Variants in LATS1 observed in about 807,000 individuals in gnomAD.
LATS1 encodes the protein large tumor suppressor kinase 1.
LATS1 carries 25 observed loss-of-function variants against 106.6 expected under a neutral mutation model. That is an observed-to-expected ratio of 0.23 (90% confidence interval 0.17 to 0.33). The LOEUF (loss-of-function observed/expected upper bound fraction) is 0.33, where lower values mean the gene tolerates loss of function less well. LATS1 is among the 10% of genes least tolerant of loss of function. LATS1 has a pLI of 1.00. For missense variants in LATS1, 1,040 were observed against 1,382.6 expected (o/e 0.75, Z 3.93); for synonymous variants, 465 against 455.6 (o/e 1.02, Z -0.26).
chr6:149,679,539 G>A (rs971678215), intron 5 of LATS1, among the ~76,000 whole-genome samples: 9 of 139,220 alleles, frequency 6.5e-5, no homozygotes, highest in South Asian at 4.4e-4. Context: ...GCGACAGAGC[G>A]AGACTCCATC....
chr6:149,705,377 T>C (rs894730644), intron 1 of LATS1, among the ~76,000 whole-genome samples: 2 of 152,178 alleles, frequency 1.3e-5, no homozygotes, highest in African/African-American at 4.8e-5. Context: ...ACTTTCTATA[T>C]TAGGTCTTCT....
intron 1 of LATS1, among the ~76,000 whole-genome samples, chr6:149,710,847 T>C (rs1459909753): frequency 6.6e-6 from 1 of 152,188 alleles, no homozygotes; most frequent in Non-Finnish European, 1.5e-5. Flanking sequence ...GCAAGTATTA[T>C]AAGTAAATGA....
Position 149,663,451 on chromosome 6 carries a change from G to T in LATS1, c.2884-1213C>A, listed in dbSNP as rs148994995. Among the ~76,000 whole-genome samples, 918 of 152,148 alleles carry T rather than the reference G, an allele frequency of 6.0e-3. 12 individuals carry two copies. Among genetic ancestry groups the T allele is most frequent in the East Asian group, 0.016 (84 of 5,180 alleles). ...GATTGTGCCACTGCACTCCAGCCTG[G>T]GCGACAGAGCAAGACCCTGTCTCAA... On this transcript the variant is annotated intron_variant, in intron 7 of 7. Transcript: ENST00000543571.
rs61479102 is a variant in LATS1 at position 149,662,966 on chromosome 6, C to CAA, written c.2884-730_2884-729dup. 2.8e-4 allele frequency among the ~76,000 whole-genome samples: 27 copies of CAA among 96,206 alleles called. 1 individual carries two copies. Among genetic ancestry groups the CAA allele is most frequent in the Non-Finnish European group, 3.6e-4 (16 of 44,646 alleles). 63.1% of individuals were successfully genotyped at this position (96,206 alleles called of 152,430 possible). On this transcript the variant is annotated intron_variant, in intron 7 of 7. Coordinates refer to ENST00000543571, the MANE Select transcript of LATS1 (RefSeq NM_004690.4). ...GTGTGACAGAGCGAGACACTGTCTCCAAAAAAAAAAAAAAAAAAAAAGAAA... is the reference window on the plus strand; with the variant it reads ...GTGTGACAGAGCGAGACACTGTCTCCAAAAAAAAAAAAAAAAAAAAAAAGAAA...
intron 3 of LATS1, among the ~76,000 whole-genome samples, chr6:149,690,972 C>A (rs1782713681): frequency 6.6e-6 from 1 of 152,144 alleles, no homozygotes; most frequent in Non-Finnish European, 1.5e-5. Context: ...TCACTCTCTC[C>A]TCCAGAAACA....
At position 149,702,286 on chromosome 6, in the gene LATS1, A is replaced by C; in HGVS notation, c.-140-20T>G. 1.8e-6 allele frequency: 1 copy of C among 568,608 alleles called. No homozygotes were observed. 35.2% of individuals were successfully genotyped at this position (568,608 alleles called of 1,614,324 possible). On this transcript the variant is annotated intron_variant, in intron 1 of 7. Coordinates refer to ENST00000543571, the MANE Select transcript of LATS1 (RefSeq NM_004690.4). Reference sequence around the variant, plus strand: ...TTAACTCTGTAAAAGAAAGAAAGAAAGGAAAGCTATAAAGTGGTTAATACA... The same window carrying C: ...TTAACTCTGTAAAAGAAAGAAAGAACGGAAAGCTATAAAGTGGTTAATACA...
At chr6:149,682,121 A>G (rs535636311) in intron 4 of LATS1, among the ~76,000 whole-genome samples, 10 of 148,100 alleles carry the variant, frequency 6.8e-5, no homozygotes, top group African/African-American at 2.4e-4. Context: ...AAAAAAAAAA[A>G]AAAATGATGA....
intron 1 of LATS1, among the ~76,000 whole-genome samples, chr6:149,712,183 T>C (rs1262040270): frequency 6.6e-6 from 1 of 152,064 alleles, no homozygotes; most frequent in East Asian, 1.9e-4. Context: ...CAGTTAGGTG[T>C]CATGTTTCTT....
At chr6:149,706,144 T>C (rs59324932) in intron 1 of LATS1, among the ~76,000 whole-genome samples, 3,489 of 121,196 alleles carry the variant, frequency 0.029, 128 homozygotes, top group African/African-American at 0.1. Context: ...GATCGTGCCA[T>C]TGCACTCCAG....
At chr6:149,668,347 T>C (rs937203558) in intron 7 of LATS1, among the ~76,000 whole-genome samples, 7 of 152,004 alleles carry the variant, frequency 4.6e-5, no homozygotes, top group African/African-American at 1.7e-4. Context: ...GGAAGAGACA[T>C]GATAGAGAAG....
At chr6:149,709,502 C>A (rs914054455) in intron 1 of LATS1, among the ~76,000 whole-genome samples, 6 of 152,058 alleles carry the variant, frequency 3.9e-5, no homozygotes, top group Non-Finnish European at 7.4e-5. Flanking sequence ...AGAGAATCAA[C>A]CCTGATAAGA....
Position 149,677,835 on chromosome 6 carries a change from C to T in LATS1, c.2594-1098G>A, listed in dbSNP as rs541274452. 3.3e-5 allele frequency among the ~76,000 whole-genome samples: 5 copies of T among 152,166 alleles called. No individual in the cohort carries two copies. The South Asian group carries it at 1.0e-3, about 32-fold the overall frequency. The stretch of plus-strand genomic sequence containing the variant: ...AAGAGATTGAGACCATCCTGGCCAA[C>T]ATGGTGAAACCCCATCTCTACTAAA... On this transcript the variant is annotated intron_variant, in intron 5 of 7. Coordinates refer to ENST00000543571, the MANE Select transcript of LATS1 (RefSeq NM_004690.4).
At chr6:149,667,993 T>G (rs1490242585) in intron 7 of LATS1, among the ~76,000 whole-genome samples, 3 of 152,212 alleles carry the variant, frequency 2.0e-5, no homozygotes, top group Non-Finnish European at 4.4e-5. Flanking sequence ...TCATCTTGTC[T>G]CCCTACAACC....
chr6:149,680,609 A>C, intron 4 of LATS1, 152 bp from the exon 5 acceptor site: 1 of 638,068 alleles, frequency 1.6e-6, no homozygotes, highest in East Asian at 2.8e-5. Context: ...TTTCAAAGGA[A>C]ATTAATGATC....
At chr6:149,711,229 A>G (rs924013114) in intron 1 of LATS1, among the ~76,000 whole-genome samples, 1 of 151,798 alleles carries the variant, frequency 6.6e-6, no homozygotes, top group Admixed American at 6.6e-5. Flanking sequence ...ACTTTAAAGA[A>G]ACTGTTTTGT....
At chr6:149,662,988 G>C (rs996525462) in intron 7 of LATS1, among the ~76,000 whole-genome samples, 1 of 130,546 alleles carries the variant, frequency 7.7e-6, no homozygotes, top group Non-Finnish European at 1.7e-5. Context: ...AAAAAAAAAA[G>C]AAAAATCTCT....
Position 149,662,026 on chromosome 6 carries a change from G to A in LATS1, c.3096C>T (p.His1032=). The A allele has an allele frequency of 1.2e-6, 2 of 1,614,134 alleles. No individual in the cohort carries two copies. The highest frequency in any genetic ancestry group is 1.7e-6 in the Non-Finnish European group (2 of 1,179,996). The change falls in exon 8 of 8, where the codon CAC becomes CAT. Residue 1032 remains histidine (H), a synonymous_variant. Coordinates refer to ENST00000543571, the MANE Select transcript of LATS1 (RefSeq NM_004690.4). The stretch of plus-strand genomic sequence containing the variant: ...GATCAAAATTTGATGTATCTGTTGG[G>A]TGTGTGATTTTAGGAATGTATGAAG... ...QSASYIPKIT[H]PTDTSNFDPV... is the part of the protein sequence containing the mutation.
chr6:149,684,421 A>C lies in LATS1; in HGVS notation c.668T>G (p.Phe223Cys). ...TCCGTTGCTAGGGTGAGCTTGAACA[A>C]ATGCTGATATACCAGATCCAGACAA... ...RPLSGSGISA[F>C]VQAHPSNGQR... The change falls in exon 4 of 8, where the codon TTT becomes TGT. Residue 223 changes from phenylalanine to cysteine, a missense_variant. By Grantham distance (205) the Phe-to-Cys change is radical (BLOSUM62 -2). Coordinates refer to ENST00000543571, the MANE Select transcript of LATS1 (RefSeq NM_004690.4). 1 of 1,613,978 alleles carries C rather than the reference A, an allele frequency of 6.2e-7. No homozygotes were observed. The highest frequency in any genetic ancestry group is 8.5e-7 in the Non-Finnish European group (1 of 1,179,976).
Position 149,659,755 on chromosome 6 carries a change from G to A in LATS1, c.*1974C>T, listed in dbSNP as rs1780821265. 4.4e-6 allele frequency: 1 copy of A among 226,332 alleles called. No homozygotes were observed. The highest frequency in any genetic ancestry group is 2.2e-5 in the African/African-American group (1 of 44,986). The allele number at this position is 226,332 out of a possible 1,614,324, so 14.0% of individuals were successfully genotyped here. On this transcript the variant is annotated 3_prime_UTR_variant, in exon 8 of 8. Coordinates refer to ENST00000543571, the MANE Select transcript of LATS1 (RefSeq NM_004690.4). ...TACTTTGTTTTGCATAGGATTTTATGGGACTAACCAAATGTTCCATGAACC... is the reference window on the plus strand; with the variant it reads ...TACTTTGTTTTGCATAGGATTTTATAGGACTAACCAAATGTTCCATGAACC...
Sources: gnomAD v4.1 joint callset for allele counts (sites outside exome capture counted in the v4.1 genomes callset) on GRCh38, gnomAD v4.1.1 for gene constraint, MANE v1.5 for transcripts, NCBI Gene and HGNC (gene_info 2026-07-23, HGNC 2026-07-21) for gene names.